The following CNTN5 variants were observed in gnomAD, a reference collection of about 807,000 sequenced individuals.
CNTN5 encodes contactin 5, also known as contactin-5.
A neutral mutation model predicts 129.1 loss-of-function variants in CNTN5; 77 were observed. The observed-to-expected ratio is 0.60, with a 90% CI of 0.50 to 0.72. CNTN5 has a LOEUF of 0.72. Among genes scored for constraint, CNTN5 ranks in the 30% least tolerant of loss-of-function variants. The pLI, the probability that CNTN5 is intolerant of heterozygous loss-of-function variation, is 0.00. For missense variants in CNTN5, 1,478 were observed against 1,328.8 expected (o/e 1.11, Z -1.75); for synonymous variants, 509 against 465.6 (o/e 1.09, Z -1.20).
intron 2 of CNTN5, among the ~76,000 whole-genome samples, chr11:99,379,610 A>G (rs1042132372): frequency 6.6e-6 from 1 of 152,196 alleles, no homozygotes; most frequent in African/African-American, 2.4e-5. Flanking sequence ...TAAAGTTTTA[A>G]TAAACTGAAG....
chr11:99,863,223 A>C (rs1305929964), intron 6 of CNTN5, among the ~76,000 whole-genome samples: 1 of 152,094 alleles, frequency 6.6e-6, no homozygotes, highest in Non-Finnish European at 1.5e-5. Context: ...AATATAATGA[A>C]AGAGATGGAA....
chr11:99,280,561 AG>A (rs1239821326), intron 1 of CNTN5, among the ~76,000 whole-genome samples: 4 of 151,720 alleles, frequency 2.6e-5, no homozygotes, highest in Non-Finnish European at 5.9e-5. Context: ...CCTGGGTTCT[AG>A]GTTAAAAAAA....
chr11:100,043,785 T>C (rs1022546933), intron 9 of CNTN5, among the ~76,000 whole-genome samples: 6 of 152,168 alleles, frequency 3.9e-5, no homozygotes, highest in Middle Eastern at 3.2e-3. Flanking sequence ...TCTTCTTGAC[T>C]ATGTTCTCTT....
At chr11:99,716,444 G>A (rs608317) in intron 3 of CNTN5, among the ~76,000 whole-genome samples, 148,663 of 152,082 alleles carry the variant, frequency 0.98, 72,751 homozygotes, top group East Asian at 1. Context: ...GAATGAGCTC[G>A]TCTTCCTCTC....
At chr11:99,586,779 T>A (rs1209412480) in intron 3 of CNTN5, among the ~76,000 whole-genome samples, 2 of 152,174 alleles carry the variant, frequency 1.3e-5, no homozygotes, top group African/African-American at 4.8e-5. Context: ...TGACTGACTT[T>A]ATTTAAAGTT....
In CNTN5 at chr11:99,788,690, A is replaced by G. The variant is rs527516107; in HGVS notation, c.56-30854A>G. 5.9e-5 allele frequency among the ~76,000 whole-genome samples: 9 copies of G among 152,042 alleles called. No homozygotes were observed. In the East Asian group the frequency reaches 1.7e-3, roughly 29 times the overall value. ...GCTAAAGATGCCTGTAAGGAAACAC[A>G]TATGATAACCATCACTAGGAAATGT... On this transcript the variant is annotated intron_variant, in intron 3 of 24. Transcript: ENST00000524871.
intron 2 of CNTN5, among the ~76,000 whole-genome samples, chr11:99,553,636 T>C (rs1402174736): frequency 6.6e-6 from 1 of 152,034 alleles, no homozygotes; most frequent in African/African-American, 2.4e-5. Flanking sequence ...CATAAAAATA[T>C]GATACGTAAG....
chr11:100,076,828 A>G lies in CNTN5; in HGVS notation c.1580+2534A>G, dbSNP rs527899052. Among the ~76,000 whole-genome samples, 7 of 152,288 alleles carry G rather than the reference A, an allele frequency of 4.6e-5. No homozygotes were observed. The South Asian group carries it at 1.5e-3, about 32-fold the overall frequency. On this transcript the variant is annotated intron_variant, in intron 13 of 24. Transcript: ENST00000524871. ...ATTTTTATTCTTAATATTGACAGGC[A>G]CACTTACAAAATACCATTTTTATTA...
intron 18 of CNTN5, among the ~76,000 whole-genome samples, chr11:100,287,154 G>A (rs1855647279): frequency 6.6e-6 from 1 of 152,200 alleles, no homozygotes; most frequent in African/African-American, 2.4e-5. Flanking sequence ...AAGTGTTGGG[G>A]AGAATGGAAC....
At position 99,421,116 on chromosome 11, in the gene CNTN5, G is replaced by T. The variant is rs1325554170; in HGVS notation, c.-71+95632G>T. Among the ~76,000 whole-genome samples, 9 of 151,234 alleles carry T rather than the reference G, an allele frequency of 6.0e-5. No individual in the cohort carries two copies. The South Asian group carries it at 1.7e-3, about 28-fold the overall frequency. ...TGTTTACACTTAGGGGGAGATCCAA[G>T]CTCTGTATTATTCATTGAGGTTTTT... is the stretch of plus-strand genomic sequence containing the variant. On this transcript the variant is annotated intron_variant, in intron 2 of 24. Transcript: ENST00000524871.
intron 3 of CNTN5, among the ~76,000 whole-genome samples, chr11:99,719,233 C>A (rs1943086132): frequency 6.6e-6 from 1 of 151,888 alleles, no homozygotes; most frequent in South Asian, 2.1e-4. Context: ...GCATGAAAAT[C>A]ATCTGAACCC....
At chr11:99,586,054 A>G (rs1949782123) in intron 3 of CNTN5, among the ~76,000 whole-genome samples, 1 of 152,044 alleles carries the variant, frequency 6.6e-6, no homozygotes, top group African/African-American at 2.4e-5. Context: ...CTTGATATAT[A>G]TCTCATATCA....
At chr11:99,249,616 A>G (rs936002701) in intron 1 of CNTN5, among the ~76,000 whole-genome samples, 1 of 152,044 alleles carries the variant, frequency 6.6e-6, no homozygotes, top group African/African-American at 2.4e-5. Flanking sequence ...TAAAAAGGGT[A>G]TGTTATTTGA....
chr11:99,408,440 GA>G (rs1942205481), intron 2 of CNTN5, among the ~76,000 whole-genome samples: 1 of 55,402 alleles, frequency 1.8e-5, no homozygotes, highest in African/African-American at 9.4e-5. Context: ...AAGAAAGAAA[GA>G]AAGAAAGAGA....
At chr11:99,949,156 G>C (rs1300332909) in intron 7 of CNTN5, among the ~76,000 whole-genome samples, 1 of 152,022 alleles carries the variant, frequency 6.6e-6, no homozygotes, top group Non-Finnish European at 1.5e-5. Context: ...GAAAAATGTT[G>C]TCAAATCATA....
chr11:99,178,859 AT>A (rs1043467544), intron 1 of CNTN5, among the ~76,000 whole-genome samples: 2 of 152,196 alleles, frequency 1.3e-5, no homozygotes, highest in African/African-American at 4.8e-5. Flanking sequence ...GGAGTAGAAA[AT>A]AATCCATTAA....
At chr11:99,428,739 T>C (rs1943244281) in intron 2 of CNTN5, among the ~76,000 whole-genome samples, 1 of 152,108 alleles carries the variant, frequency 6.6e-6, no homozygotes, top group Non-Finnish European at 1.5e-5. Context: ...ATTTACTATT[T>C]TTAATAGTTT....
chr11:100,228,707 C>T (rs1449574713), intron 16 of CNTN5, among the ~76,000 whole-genome samples: 4 of 152,184 alleles, frequency 2.6e-5, no homozygotes, highest in Non-Finnish European at 5.9e-5. Context: ...AGTCGGCACT[C>T]AGAGTGGAGA....
At chr11:99,728,168 A>C (rs947531912) in intron 3 of CNTN5, among the ~76,000 whole-genome samples, 1 of 152,094 alleles carries the variant, frequency 6.6e-6, no homozygotes, top group South Asian at 2.1e-4. Context: ...ATTTCAATAT[A>C]TGTTTAGAAA....
Sources: allele counts gnomAD v4.1 joint callset (sites outside exome capture counted in the v4.1 genomes callset), GRCh38; gene constraint gnomAD v4.1.1; transcripts MANE v1.5; gene names NCBI Gene and HGNC (gene_info 2026-07-23, HGNC 2026-07-21).